SIPA1L3: variants seen among roughly 807,000 people sequenced by gnomAD.
SIPA1L3 encodes the protein signal induced proliferation associated 1 like 3.
Under a neutral mutation model 150.1 loss-of-function variants are expected in SIPA1L3, and 59 were observed. The ratio of observed to expected loss-of-function variants is 0.39; its 90% CI spans 0.32 to 0.49. The LOEUF (loss-of-function observed/expected upper bound fraction) is 0.49. Among genes scored for constraint, SIPA1L3 ranks in the 20% least tolerant of loss-of-function variants. The probability of loss-of-function intolerance (pLI) is 0.86; values close to 1 mark genes in which losing one functional copy is unlikely to be tolerated. For missense variants in SIPA1L3, 2,211 were observed against 2,489.5 expected, an observed-to-expected ratio of 0.89 and a Z score of 2.38; for synonymous variants, 1,070 against 1,077.6, an observed-to-expected ratio of 0.99 and a Z score of 0.14.
intron 10 of SIPA1L3, among the ~76,000 whole-genome samples, chr19:38,140,196 G>C (rs1971542055): frequency 6.6e-6 from 1 of 152,204 alleles, no homozygotes; most frequent in African/African-American, 2.4e-5. Context: ...TCTGAGCTCA[G>C]CTCTCAGCTG....
chr19:38,068,219 C>T (rs928582252), intron 2 of SIPA1L3, among the ~76,000 whole-genome samples: 2 of 151,620 alleles, frequency 1.3e-5, no homozygotes, highest in South Asian at 2.1e-4. Context: ...TTAGTAGAGA[C>T]GGGGTTTCAC....
chr19:38,030,827 G>A (rs987673028), intron 2 of SIPA1L3, among the ~76,000 whole-genome samples: 1 of 152,008 alleles, frequency 6.6e-6, no homozygotes, highest in Non-Finnish European at 1.5e-5. Flanking sequence ...CTTCCTGGAC[G>A]ATTCCCAGCT....
At chr19:38,043,053 C>T (rs1968961770) in intron 2 of SIPA1L3, among the ~76,000 whole-genome samples, 1 of 152,064 alleles carries the variant, frequency 6.6e-6, no homozygotes, top group Non-Finnish European at 1.5e-5. Flanking sequence ...TAAAACAGAT[C>T]CATGGGCCAG....
intron 15 of SIPA1L3, among the ~76,000 whole-genome samples, chr19:38,177,218 AGGTGT>A (rs1242486341): frequency 6.8e-6 from 1 of 147,616 alleles, no homozygotes; most frequent in Non-Finnish European, 1.5e-5. Flanking sequence ...AAAACTAGCC[AGGTGT>A]GGTGGTGGGC....
intron 1 of SIPA1L3, among the ~76,000 whole-genome samples, chr19:37,927,936 C>G (rs889338189): frequency 6.6e-6 from 1 of 152,014 alleles, no homozygotes; most frequent in Non-Finnish European, 1.5e-5. Flanking sequence ...TTATCTTTGT[C>G]CAGTCCGCTG....
chr19:38,019,584 C>G (rs1968320267), intron 1 of SIPA1L3, among the ~76,000 whole-genome samples: 1 of 152,192 alleles, frequency 6.6e-6, no homozygotes, highest in African/African-American at 2.4e-5. Flanking sequence ...TGGGTGGGCA[C>G]TTAGCAACTG....
chr19:38,052,427 C>A (rs1204987168), intron 2 of SIPA1L3, among the ~76,000 whole-genome samples: 2 of 152,188 alleles, frequency 1.3e-5, no homozygotes, highest in Non-Finnish European at 2.9e-5. Context: ...TGGGCGGAGG[C>A]CTCCTCCGCG....
chr19:37,953,773 T>C (rs1599836072), intron 1 of SIPA1L3, among the ~76,000 whole-genome samples: 1 of 152,210 alleles, frequency 6.6e-6, no homozygotes, highest in East Asian at 1.9e-4. Flanking sequence ...ACGTGTGATT[T>C]TGCCATTGTC....
chr19:38,125,141 T>C (rs1047878311), intron 9 of SIPA1L3, among the ~76,000 whole-genome samples: 1 of 152,086 alleles, frequency 6.6e-6, no homozygotes, highest in Non-Finnish European at 1.5e-5. Flanking sequence ...GTTCAAGCAT[T>C]TCTCCTGTCT....
At chr19:37,982,902 GACCC>G (rs1425601670) in intron 1 of SIPA1L3, among the ~76,000 whole-genome samples, 1 of 152,178 alleles carries the variant, frequency 6.6e-6, no homozygotes, top group African/African-American at 2.4e-5. Flanking sequence ...GGCTATTCAG[GACCC>G]ACCTTACAGG....
chr19:38,065,915 C>CTATCTATTTATTTATTTATTTATT (rs74176413), intron 2 of SIPA1L3, among the ~76,000 whole-genome samples: 2,009 of 127,686 alleles, frequency 0.016, 96 homozygotes, highest in East Asian at 0.052. Flanking sequence ...ATTTATTTAT[C>CTATCTATTTATTTATTTATTTATT]TATTTATTTA....
At position 38,030,194 on chromosome 19, in the gene SIPA1L3, T is replaced by C. The variant is rs1968613653; in HGVS notation, c.-311+1038T>C. On this transcript the variant is annotated intron_variant, in intron 2 of 21. Transcript: ENST00000222345. ...GAATGGAGACAGATGTAGACAGTTG[T>C]GAAACTGCCACCACGATCAAGATTC... 2.6e-5 allele frequency among the ~76,000 whole-genome samples: 4 copies of C among 152,210 alleles called. No individual in the cohort carries two copies. In the South Asian group the frequency reaches 8.3e-4, roughly 32 times the overall value.
intron 1 of SIPA1L3, among the ~76,000 whole-genome samples, chr19:38,028,282 A>G (rs1968560251): frequency 6.6e-6 from 1 of 152,158 alleles, no homozygotes. Flanking sequence ...GTCTGAGGAA[A>G]TGTCCTTAGA....
chr19:37,990,145 C>T (rs764245369), intron 1 of SIPA1L3, among the ~76,000 whole-genome samples: 4 of 152,058 alleles, frequency 2.6e-5, no homozygotes, highest in Non-Finnish European at 5.9e-5. Flanking sequence ...CGGCCGCATG[C>T]CTCTTCTGGT....
intron 1 of SIPA1L3, among the ~76,000 whole-genome samples, chr19:37,912,919 C>T (rs898547493): frequency 7.9e-5 from 12 of 152,114 alleles, no homozygotes; most frequent in African/African-American, 2.4e-4. Context: ...AGGAGATTTG[C>T]CCAGGAAGAC....
intron 2 of SIPA1L3, among the ~76,000 whole-genome samples, chr19:38,078,783 T>A (rs983458959): frequency 6.6e-6 from 1 of 152,180 alleles, no homozygotes; most frequent in Non-Finnish European, 1.5e-5. Context: ...ATCAGTTCCG[T>A]TGGCAGGAGG....
chr19:38,188,540 C>T (rs1972737503), intron 16 of SIPA1L3, among the ~76,000 whole-genome samples: 1 of 152,050 alleles, frequency 6.6e-6, no homozygotes, highest in African/African-American at 2.4e-5. Flanking sequence ...TCAGTCAGAA[C>T]CTGGAGGATG....
intron 18 of SIPA1L3, among the ~76,000 whole-genome samples, chr19:38,197,363 ACT>A (rs1385127831): frequency 4.0e-5 from 6 of 151,570 alleles, no homozygotes; most frequent in Admixed American, 2.6e-4. Flanking sequence ...GGTGCCTGGG[ACT>A]CTCTCAATAG....
At chr19:38,056,795 G>A (rs1969326214) in intron 2 of SIPA1L3, among the ~76,000 whole-genome samples, 1 of 152,138 alleles carries the variant, frequency 6.6e-6, no homozygotes, top group African/African-American at 2.4e-5. Context: ...CAGGCGTGGT[G>A]GCCCACACCT....
Sources: gnomAD v4.1 joint callset for allele counts (sites outside exome capture counted in the v4.1 genomes callset) on GRCh38, gnomAD v4.1.1 for gene constraint, MANE v1.5 for transcripts, NCBI Gene and HGNC (gene_info 2026-07-23, HGNC 2026-07-21) for gene names.